The following COL22A1 variants were observed in gnomAD, a reference collection of about 807,000 sequenced individuals.
COL22A1 encodes collagen type XXII alpha 1 chain.
Under a neutral mutation model 248.9 loss-of-function variants are expected in COL22A1, and 221 were observed. That is an observed-to-expected ratio of 0.89 (90% CI 0.80 to 0.99). COL22A1 has a LOEUF of 0.99. Among genes scored for constraint, COL22A1 ranks in the 50% least tolerant of loss-of-function variants. COL22A1 has a pLI of 0.00. For missense variants in COL22A1, 2,240 were observed against 2,179.0 expected (o/e 1.03, Z -0.56); for synonymous variants, 891 against 793.4 (o/e 1.12, Z -2.07).
chr8:138,749,592 G>A (rs748320360), intron 22 of COL22A1, among the ~76,000 whole-genome samples: 1 of 152,210 alleles, frequency 6.6e-6, no homozygotes, highest in African/African-American at 2.4e-5. Context: ...CCCAACCAGG[G>A]CCAAGTCCCT....
At chr8:138,684,538 C>T in intron 38 of COL22A1, 69 bp from the exon 39 acceptor site, 1 of 1,097,400 alleles carries the variant, frequency 9.1e-7, no homozygotes, top group South Asian at 1.2e-5. Flanking sequence ...CACCACGTGC[C>T]AGGCTGACTG....
At chr8:138,743,334 T>C (rs1379806827) in intron 22 of COL22A1, among the ~76,000 whole-genome samples, 1 of 151,818 alleles carries the variant, frequency 6.6e-6, no homozygotes, top group Non-Finnish European at 1.5e-5. Context: ...GTAGTGATTG[T>C]GATGGTGATG....
Position 138,863,906 on chromosome 8 carries a change from G to A in COL22A1, c.658+13844C>T, listed in dbSNP as rs1055445662. On this transcript the variant is annotated intron_variant, in intron 3 of 64. Coordinates refer to ENST00000303045, the MANE Select transcript of COL22A1 (RefSeq NM_152888.3). ...GAATCCACACAACAGATAAACAGTGGAAAAGGGTTTCCGCTCTCGGATTTA... is the reference window on the plus strand; with the variant it reads ...GAATCCACACAACAGATAAACAGTGAAAAAGGGTTTCCGCTCTCGGATTTA... Among the ~76,000 whole-genome samples the A allele has an allele frequency of 9.2e-5, 14 of 152,314 alleles. No individual in the cohort carries two copies. In the East Asian group the frequency reaches 1.3e-3, roughly 15 times the overall value.
chr8:138,778,530 G>A (rs1018382962), intron 14 of COL22A1, 124 bp from the exon 15 acceptor site: 14 of 804,690 alleles, frequency 1.7e-5, no homozygotes, highest in Admixed American at 9.3e-5. Context: ...ACCAAGTGCT[G>A]CCCATGCTGT....
intron 24 of COL22A1, 67 bp from the exon 25 acceptor site, chr8:138,724,735 C>A: frequency 6.6e-7 from 1 of 1,505,344 alleles, no homozygotes; most frequent in Non-Finnish European, 9.2e-7. Flanking sequence ...GACTCAACCT[C>A]TTTCCTGGCA....
rs367882820 is a variant in COL22A1, at chr8:138,663,756, C to A, written c.3151-16G>T. Reference sequence around the variant, plus strand: ...CGGAAGGGCCCTAGAAACAAACAAACAAGTATGTAAGCAAAGTAGAAATGG... The same window carrying A: ...CGGAAGGGCCCTAGAAACAAACAAAAAAGTATGTAAGCAAAGTAGAAATGG... On this transcript the variant is annotated splice_polypyrimidine_tract_variant and intron_variant, in intron 41 of 64. Transcript: ENST00000303045. 1 of 1,603,400 alleles carries A rather than the reference C, an allele frequency of 6.2e-7. No individual in the cohort carries two copies. Among genetic ancestry groups the A allele is most frequent in the African/African-American group, 1.3e-5 (1 of 74,668 alleles).
At chr8:138,683,515 C>A (rs1826112028) in intron 39 of COL22A1, among the ~76,000 whole-genome samples, 1 of 152,108 alleles carries the variant, frequency 6.6e-6, no homozygotes, top group East Asian at 1.9e-4. Context: ...GACGACATGC[C>A]CCAGTCTCCC....
chr8:138,823,403 A>C (rs1033215081), intron 6 of COL22A1, among the ~76,000 whole-genome samples: 1 of 152,094 alleles, frequency 6.6e-6, no homozygotes, highest in Non-Finnish European at 1.5e-5. Flanking sequence ...ACATCCCAAG[A>C]TGTGATTTAT....
chr8:138,748,445 G>A (rs372148378), intron 22 of COL22A1, among the ~76,000 whole-genome samples: 1 of 152,230 alleles, frequency 6.6e-6, no homozygotes, highest in African/African-American at 2.4e-5. Flanking sequence ...GAGAAAATGA[G>A]AAGTCAGACT....
chr8:138,699,859 C>A (rs76740627), intron 32 of COL22A1, among the ~76,000 whole-genome samples: 33 of 152,372 alleles, frequency 2.2e-4, no homozygotes, highest in African/African-American at 7.9e-4. Flanking sequence ...CCCAGAGATG[C>A]CTGGCCTTTG....
Position 138,684,382 on chromosome 8 carries a change from C to T in COL22A1, c.3012+43G>A, listed in dbSNP as rs115271692. On this transcript the variant is annotated intron_variant, in intron 39 of 64. Transcript: ENST00000303045. ...CAATTTTTCCACGTTCTCTTTCAAA[C>T]GGCAACTCGTGGCACCCACAGTTTT... The T allele has an allele frequency of 5.8e-4, 787 of 1,360,500 alleles. 2 individuals carry two copies. The highest frequency in any genetic ancestry group is 5.7e-3 in the African/African-American group (401 of 69,954). The allele number at this position is 1,360,500 out of a possible 1,614,324, so 84.3% of individuals were successfully genotyped here.
chr8:138,648,968 TTGTC>T (rs1221878237), intron 46 of COL22A1, among the ~76,000 whole-genome samples: 1 of 152,244 alleles, frequency 6.6e-6, no homozygotes, highest in African/African-American at 2.4e-5. Context: ...TCTTAGCAGA[TTGTC>T]TGTAATGCAC....
chr8:138,717,595 A>C (rs1829542937), intron 27 of COL22A1, among the ~76,000 whole-genome samples: 1 of 152,070 alleles, frequency 6.6e-6, no homozygotes, highest in Non-Finnish European at 1.5e-5. Flanking sequence ...TCCTGAGTAG[A>C]TGGGACTATA....
chr8:138,600,505 C>T (rs966507339), intron 60 of COL22A1, among the ~76,000 whole-genome samples: 6 of 152,080 alleles, frequency 3.9e-5, no homozygotes, highest in African/African-American at 1.4e-4. Context: ...AAGGTAAATG[C>T]ACATTTATAA....
chr8:138,690,746 C>A, intron 36 of COL22A1, 75 bp downstream of exon 36: 1 of 1,216,738 alleles, frequency 8.2e-7, no homozygotes, highest in Non-Finnish European at 1.2e-6. Flanking sequence ...GTATCCTACG[C>A]CTCTGGCTTT....
At chr8:138,770,181 C>A (rs1834245400) in intron 16 of COL22A1, among the ~76,000 whole-genome samples, 1 of 152,252 alleles carries the variant, frequency 6.6e-6, no homozygotes, top group Non-Finnish European at 1.5e-5. Flanking sequence ...TGAGTCAGGG[C>A]AGGACACCTG....
At chr8:138,856,587 G>T (rs1331470923) in intron 3 of COL22A1, among the ~76,000 whole-genome samples, 1 of 138,326 alleles carries the variant, frequency 7.2e-6, no homozygotes, top group Non-Finnish European at 1.5e-5. Flanking sequence ...AGAGACAGAG[G>T]CAGTGAGAGA....
intron 3 of COL22A1, among the ~76,000 whole-genome samples, chr8:138,875,599 G>T (rs1228306550): frequency 1.3e-5 from 2 of 152,126 alleles, no homozygotes; most frequent in Admixed American, 1.3e-4. Flanking sequence ...CCTGTGCCTA[G>T]TTCTTATCTG....
chr8:138,725,481 G>A (rs569052184), intron 23 of COL22A1, 41 bp from the exon 24 acceptor site: 3 of 1,568,820 alleles, frequency 1.9e-6, no homozygotes, highest in South Asian at 1.1e-5. Flanking sequence ...GATGGGTCCT[G>A]ATGAGCCTCC....
Sources: gnomAD v4.1 joint callset for allele counts (sites outside exome capture counted in the v4.1 genomes callset) on GRCh38, gnomAD v4.1.1 for gene constraint, MANE v1.5 for transcripts, NCBI Gene and HGNC (gene_info 2026-07-23, HGNC 2026-07-21) for gene names.